Variants in PRDM5 observed in about 807,000 individuals in gnomAD.
PRDM5 encodes PR domain zinc finger protein 5.
In PRDM5, 56 loss-of-function variants were observed where a neutral mutation model predicts 81.2. The ratio of observed to expected loss-of-function variants is 0.69; its 90% confidence interval spans 0.56 to 0.86. PRDM5 has a LOEUF of 0.86. Ranked by LOEUF, PRDM5 falls within the 40% of genes least tolerant of loss-of-function variation. The probability of loss-of-function intolerance (pLI) is 0.00; values close to 1 mark genes in which losing one functional copy is unlikely to be tolerated. For synonymous variants in PRDM5, 267 were observed against 256.4 expected (o/e 1.04, Z -0.39); for missense variants, 697 against 770.1 (o/e 0.91, Z 1.12).
intron 14 of PRDM5, among the ~76,000 whole-genome samples, chr4:120,748,100 T>C (rs1743412198): frequency 1.3e-5 from 2 of 152,260 alleles, no homozygotes; most frequent in African/African-American, 4.8e-5. Flanking sequence ...ACATAAGTTC[T>C]ATAATTTCCA....
rs774292900 is a variant in PRDM5 at position 120,774,902 on chromosome 4, A to ATATATG, written c.1537+2280_1537+2285dup. 3.5e-3 allele frequency among the ~76,000 whole-genome samples: 512 copies of ATATATG among 146,040 alleles called. 1 individual carries two copies. Among genetic ancestry groups the ATATATG allele is most frequent in the African/African-American group, 0.011 (447 of 39,924 alleles). On this transcript the variant is annotated intron_variant, in intron 13 of 15. Transcript: ENST00000264808. ...TCTCTCTCTTTCTATATATATATAT[A>ATATATG]TATATGTATATGTATATGTATATAT...
At chr4:120,767,576 G>A (rs1746561754) in intron 13 of PRDM5, among the ~76,000 whole-genome samples, 1 of 152,166 alleles carries the variant, frequency 6.6e-6, no homozygotes. Context: ...TCACATTGCA[G>A]TATATTCAAA....
intron 7 of PRDM5, 167 bp downstream of exon 7, chr4:120,816,282 GAGAA>G: frequency 3.0e-6 from 3 of 998,634 alleles, no homozygotes; most frequent in Non-Finnish European, 4.6e-6. Flanking sequence ...AATTCAACCT[GAGAA>G]AGAAATAGTG....
downstream of PRDM5, among the ~76,000 whole-genome samples, chr4:120,691,097 GT>G (rs2148978502): frequency 6.6e-6 from 1 of 152,104 alleles, no homozygotes; most frequent in South Asian, 2.1e-4. Context: ...ATGAACATTT[GT>G]TTCAGTATTG....
At chr4:120,859,311 A>G (rs1053772533) in intron 2 of PRDM5, among the ~76,000 whole-genome samples, 14 of 152,050 alleles carry the variant, frequency 9.2e-5, no homozygotes, top group Non-Finnish European at 1.6e-4. Flanking sequence ...CCTGGGCTCA[A>G]AAAATGATTC....
At chr4:120,878,840 C>T (rs1762568133) in intron 2 of PRDM5, among the ~76,000 whole-genome samples, 2 of 152,136 alleles carry the variant, frequency 1.3e-5, no homozygotes, top group Non-Finnish European at 2.9e-5. Flanking sequence ...AAAGAAATAC[C>T]ACTACACATC....
At chr4:120,707,485 A>G (rs1256576388) in intron 15 of PRDM5, among the ~76,000 whole-genome samples, 1 of 152,016 alleles carries the variant, frequency 6.6e-6, no homozygotes, top group African/African-American at 2.4e-5. Context: ...ATAGTGAAAG[A>G]CTGAAAAAGA....
chr4:120,898,353 GAGA>G (rs145891126), intron 2 of PRDM5, among the ~76,000 whole-genome samples: 3,141 of 152,284 alleles, frequency 0.021, 51 homozygotes, highest in Middle Eastern at 0.034. Context: ...CAAATGTCTT[GAGA>G]AGGAGACAGC....
intron 15 of PRDM5, among the ~76,000 whole-genome samples, chr4:120,709,736 A>C (rs983936579): frequency 6.6e-6 from 1 of 152,188 alleles, no homozygotes; most frequent in Non-Finnish European, 1.5e-5. Flanking sequence ...ATCAATATTC[A>C]GATTAATTTT....
chr4:120,841,292 T>G (rs1463100413), intron 3 of PRDM5, among the ~76,000 whole-genome samples: 1 of 152,230 alleles, frequency 6.6e-6, no homozygotes, highest in Non-Finnish European at 1.5e-5. Flanking sequence ...ATACCTTCTT[T>G]TGAGTAGTGA....
chr4:120,781,537 T>C (rs1749035098), intron 11 of PRDM5, among the ~76,000 whole-genome samples: 1 of 152,194 alleles, frequency 6.6e-6, no homozygotes, highest in Non-Finnish European at 1.5e-5. Context: ...ACGTGGGGAC[T>C]GAATTAGCAG....
Position 120,811,446 on chromosome 4 carries a change from T to A in PRDM5, c.869A>T (p.Asp290Val). The A allele has an allele frequency of 6.4e-7, 1 of 1,569,924 alleles. No homozygotes were observed. The highest frequency in any genetic ancestry group is 8.8e-7 in the Non-Finnish European group (1 of 1,142,704). Residue 290 changes from aspartate (D) to valine (V), a missense_variant, in exon 8 of 16, where the codon GAT becomes GTT. Asp to Val is a radical substitution (Grantham distance 152, BLOSUM62 -3). Around this residue, in one of 3 missense-constraint regions of PRDM5, gnomAD observed 577 missense variants for 606.7 expected, o/e 0.95. Transcript: ENST00000264808. ...TGAACATATAAGCTTTTTCTTAGGA[T>A]CTCCTAAAATAGAAATAAAATACCA... ...KRHQENVHTG[D>V]PKKKLICSVC...
At chr4:120,787,758 G>T (rs1039968625) in intron 10 of PRDM5, among the ~76,000 whole-genome samples, 2 of 152,096 alleles carry the variant, frequency 1.3e-5, no homozygotes, top group African/African-American at 4.8e-5. Flanking sequence ...CAAGAAACAA[G>T]TCTGAGTAAA....
intron 15 of PRDM5, among the ~76,000 whole-genome samples, chr4:120,705,374 T>C (rs1018197447): frequency 2.6e-5 from 4 of 152,004 alleles, no homozygotes; most frequent in Non-Finnish European, 5.9e-5. Flanking sequence ...TAATATAGAA[T>C]GAGAGCTAAG....
chr4:120,689,787 G>A (rs1733968615), downstream of PRDM5, among the ~76,000 whole-genome samples: 1 of 151,782 alleles, frequency 6.6e-6, no homozygotes, highest in Non-Finnish European at 1.5e-5. Flanking sequence ...GCTAATTTTT[G>A]TATTTTTGGT....
At chr4:120,726,040 T>C (rs186492781) in intron 14 of PRDM5, among the ~76,000 whole-genome samples, 5 of 152,244 alleles carry the variant, frequency 3.3e-5, no homozygotes, top group Admixed American at 3.3e-4. Context: ...GAGTGGCTGC[T>C]CACCCGAGTG....
At chr4:120,789,104 T>G (rs947304813) in intron 10 of PRDM5, among the ~76,000 whole-genome samples, 2 of 152,230 alleles carry the variant, frequency 1.3e-5, no homozygotes, top group Non-Finnish European at 2.9e-5. Flanking sequence ...AACATCCCAT[T>G]TGTATGCCAA....
Position 120,874,803 on chromosome 4 carries a change from T to G in PRDM5, c.178-21263A>C, listed in dbSNP as rs117981201. ...TATACTGAGGAAACTGGTCCCAGAT[T>G]GCAGATTTTGTCTATGTCTCTGAAG... is the stretch of plus-strand genomic sequence containing the variant. On this transcript the variant is annotated intron_variant, in intron 2 of 15. Transcript: ENST00000264808. Among the ~76,000 whole-genome samples the G allele has an allele frequency of 6.2e-3, 945 of 152,346 alleles. 20 individuals are homozygous for G. The highest frequency in any genetic ancestry group is 0.055 in the East Asian group (283 of 5,186).
chr4:120,906,576 G>T (rs1765820787), intron 2 of PRDM5, among the ~76,000 whole-genome samples: 1 of 151,972 alleles, frequency 6.6e-6, no homozygotes, highest in Non-Finnish European at 1.5e-5. Context: ...GATACCTTAG[G>T]TCCTTTTTCT....
Sources: gnomAD v4.1 joint callset for allele counts (sites outside exome capture counted in the v4.1 genomes callset) on GRCh38, gnomAD v4.1.1 for gene constraint, gnomAD v4.1.1 regional missense constraint, MANE v1.5 for transcripts, NCBI Gene and HGNC (gene_info 2026-07-23, HGNC 2026-07-21) for gene names.